The following ZNF729 variants were observed in gnomAD, a reference collection of about 807,000 sequenced individuals.
ZNF729 encodes the protein zinc finger protein 729.
Under a neutral mutation model 12.2 loss-of-function variants are expected in ZNF729, and 15 were observed. The observed-to-expected ratio is 1.23, with a 90% CI of 0.82 to 1.89. The LOEUF (loss-of-function observed/expected upper bound fraction) is 1.89, where lower values mean the gene tolerates loss of function less well. Among genes scored for constraint, ZNF729 ranks in the 40% most tolerant of loss-of-function variants. The pLI is 0.00. For missense variants in ZNF729, 1,540 were observed against 1,456.7 expected, an observed-to-expected ratio of 1.06 and a Z score of -0.93; for synonymous variants, 492 against 476.3, an observed-to-expected ratio of 1.03 and a Z score of -0.43.
At position 22,315,285 on chromosome 19, in the gene ZNF729, C is replaced by T; in HGVS notation, c.1868C>T (p.Thr623Ile). Residue 623 changes from threonine to isoleucine, a missense_variant, in exon 4 of 4, where the codon ACT becomes ATT. By Grantham distance (89) the Thr-to-Ile change is moderately conservative. Coordinates refer to ENST00000601693, the MANE Select transcript of ZNF729 (RefSeq NM_001242680.2). ...CTTGCTAAACATAAGATAATTCATACTGGGAAGAAACCGTACAAATGTGAA... is the reference window on the plus strand; with the variant it reads ...CTTGCTAAACATAAGATAATTCATATTGGGAAGAAACCGTACAAATGTGAA... Reference protein sequence around the residue: ...SILAKHKIIHTGKKPYKCEEC... With the variant: ...SILAKHKIIHIGKKPYKCEEC... 6.2e-7 allele frequency: 1 copy of T among 1,613,092 alleles called. No individual in the cohort carries two copies. The highest frequency in any genetic ancestry group is 1.1e-5 in the South Asian group (1 of 91,048).
At chr19:22,303,666 C>G in intron 1 of ZNF729, 92 bp from the exon 2 acceptor site, 5 of 1,269,790 alleles carry the variant, frequency 3.9e-6, no homozygotes, top group Non-Finnish European at 5.3e-6. Flanking sequence ...AATCTGTTCT[C>G]TTTATTCTCT....
chr19:22,300,669 C>A (rs1389902583), intron 1 of ZNF729, among the ~76,000 whole-genome samples: 4 of 152,158 alleles, frequency 2.6e-5, no homozygotes. Context: ...CAGAATTCTA[C>A]AAACTTCACA....
intron 3 of ZNF729, among the ~76,000 whole-genome samples, chr19:22,311,373 G>A (rs1968448230): frequency 1.3e-5 from 2 of 151,962 alleles, no homozygotes; most frequent in Non-Finnish European, 2.9e-5. Flanking sequence ...TATCCTAGAG[G>A]TTTTAATAAG....
At position 22,315,201 on chromosome 19, in the gene ZNF729, C is replaced by G. The variant is rs759673795; in HGVS notation, c.1784C>G (p.Thr595Ser). 1 of 1,611,622 alleles carries G rather than the reference C, an allele frequency of 6.2e-7. No individual in the cohort carries two copies. Among genetic ancestry groups the G allele is most frequent in the African/African-American group, 1.3e-5 (1 of 74,834 alleles). ...SALRKHKVIH[T>S]REKLYKCEEC... ...CTCAGAAAACATAAGGTAATTCATA[C>G]TAGGGAGAAATTGTACAAATGTGAA... The change falls in exon 4 of 4, where the codon ACT becomes AGT. Residue 595 changes from threonine (T) to serine (S), a missense_variant. Coordinates refer to ENST00000601693, the MANE Select transcript of ZNF729 (RefSeq NM_001242680.2).
chr19:22,305,152 C>G (rs1288602201), intron 3 of ZNF729, among the ~76,000 whole-genome samples: 21 of 152,122 alleles, frequency 1.4e-4, no homozygotes, highest in Non-Finnish European at 1.5e-5. Context: ...CACACTTGCT[C>G]TGTCTTTTAC....
chr19:22,291,481 G>A (rs1320509983), intron 1 of ZNF729, among the ~76,000 whole-genome samples: 1 of 152,116 alleles, frequency 6.6e-6, no homozygotes, highest in African/African-American at 2.4e-5. Context: ...TGATCCTAGC[G>A]TTTCTTGCCA....
At chr19:22,305,730 G>T (rs1272509257) in intron 3 of ZNF729, among the ~76,000 whole-genome samples, 1 of 151,952 alleles carries the variant, frequency 6.6e-6, no homozygotes, top group Admixed American at 6.6e-5. Flanking sequence ...TGCTAAAATT[G>T]GTCTCTTGTA....
At chr19:22,307,800 G>GTTTTTTTTTTT in intron 3 of ZNF729, among the ~76,000 whole-genome samples, 1 of 53,336 alleles carries the variant, frequency 1.9e-5, no homozygotes, top group Non-Finnish European at 3.7e-5. Flanking sequence ...AAAGCTCTGT[G>GTTTTTTTTTTT]TTTTTTTTTT....
chr19:22,294,185 A>G (rs1396307473), intron 1 of ZNF729, among the ~76,000 whole-genome samples: 1 of 152,252 alleles, frequency 6.6e-6, no homozygotes, highest in Non-Finnish European at 1.5e-5. Context: ...TTTTCTACAC[A>G]GTGCTAGGTG....
At position 22,313,682 on chromosome 19, in the gene ZNF729, C is replaced by A; in HGVS notation, c.265C>A (p.His89Asn). The A allele has an allele frequency of 6.7e-7, 1 of 1,489,132 alleles. No individual in the cohort carries two copies. 92.2% of individuals were successfully genotyped at this position (1,489,132 alleles called of 1,614,324 possible). A position where few individuals can be genotyped will look rare whatever the true frequency, so the allele number is the denominator to read the frequency against. ...TTTATTTCTTCTAGTTATGCGTTCT[C>A]ATTTTACACAAGACCTTTGGCCAGA... ...MVTKPPVMRSHFTQDLWPDQS... is the reference protein window; with the variant it reads ...MVTKPPVMRSNFTQDLWPDQS... The change falls in exon 4 of 4, where the codon CAT becomes AAT. Residue 89 changes from histidine (H) to asparagine (N), a missense_variant. By Grantham distance (68) the His-to-Asn change is moderately conservative (BLOSUM62 1). Coordinates refer to ENST00000601693, the MANE Select transcript of ZNF729 (RefSeq NM_001242680.2).
intron 1 of ZNF729, among the ~76,000 whole-genome samples, chr19:22,297,368 A>T (rs1968242071): frequency 1.3e-5 from 2 of 151,752 alleles, no homozygotes; most frequent in African/African-American, 4.8e-5. Context: ...GTGTCTGCTG[A>T]AATTCAGATG....
At chr19:22,311,116 T>C (rs1968445159) in intron 3 of ZNF729, among the ~76,000 whole-genome samples, 2 of 152,172 alleles carry the variant, frequency 1.3e-5, no homozygotes, top group South Asian at 2.1e-4. Context: ...CTGTCAATTG[T>C]ATTTATCTTT....
chr19:22,315,402 G>A lies in ZNF729; in HGVS notation c.1985G>A (p.Gly662Asp), dbSNP rs749384929. The change falls in exon 4 of 4, where the codon GGC becomes GAC. Residue 662 changes from glycine (G) to aspartate (D), a missense_variant. By Grantham distance (94) the Gly-to-Asp change is moderately conservative. Transcript: ENST00000601693. ...AAACCTTACAAATGTGAAGAATGTG[G>A]CAAAGCTTTTAGCCATTTCTCAGCC... ...GEKPYKCEEC[G>D]KAFSHFSALR... 4.3e-6 allele frequency: 7 copies of A among 1,613,216 alleles called. No homozygotes were observed. The highest frequency in any genetic ancestry group is 5.9e-6 in the Non-Finnish European group (7 of 1,179,786).
At chr19:22,286,929 C>T (rs1424615142) in intron 1 of ZNF729, among the ~76,000 whole-genome samples, 3 of 152,108 alleles carry the variant, frequency 2.0e-5, no homozygotes, top group Non-Finnish European at 4.4e-5. Context: ...GGTTTCCAGT[C>T]CCTCTTTTCT....
At chr19:22,291,587 TC>T (rs886401201) in intron 1 of ZNF729, among the ~76,000 whole-genome samples, 28 of 152,314 alleles carry the variant, frequency 1.8e-4, no homozygotes, top group African/African-American at 6.3e-4. Flanking sequence ...AACCTGGGGT[TC>T]TGGACAACCT....
chr19:22,290,353 T>G (rs1968136694), intron 1 of ZNF729, among the ~76,000 whole-genome samples: 1 of 152,226 alleles, frequency 6.6e-6, no homozygotes, highest in African/African-American at 2.4e-5. Flanking sequence ...TGTGGTAGTT[T>G]CTAGACTTTG....
chr19:22,309,227 A>G (rs1197667911), intron 3 of ZNF729, among the ~76,000 whole-genome samples: 2 of 152,064 alleles, frequency 1.3e-5, no homozygotes, highest in Non-Finnish European at 2.9e-5. Flanking sequence ...TAGGTGGATC[A>G]CGAGGTCAGG....
intron 3 of ZNF729, among the ~76,000 whole-genome samples, chr19:22,305,530 TATA>T (rs1968367699): frequency 6.6e-6 from 1 of 152,030 alleles, no homozygotes; most frequent in Admixed American, 6.6e-5. Context: ...TACATATAAA[TATA>T]ATAATTATAG....
chr19:22,316,582 A>G lies in ZNF729; in HGVS notation c.3165A>G (p.Lys1055=), dbSNP rs761659551. Residue 1055 remains lysine, a synonymous_variant, in exon 4 of 4, where the codon AAA becomes AAG. Transcript: ENST00000601693. ...CCTACAAATGTGAAGAATGTGGTAA[A>G]GCTTTTAAGTGGTCCTCAAAACTTA... is the stretch of plus-strand genomic sequence containing the variant. ...EKPYKCEECG[K]AFKWSSKLTE... is the part of the protein sequence containing the mutation. The G allele has an allele frequency of 1.2e-5, 19 of 1,613,392 alleles. No individual in the cohort carries two copies. The highest frequency in any genetic ancestry group is 5.5e-5 in the South Asian group (5 of 91,074).
Sources: gnomAD v4.1 joint callset for allele counts (sites outside exome capture counted in the v4.1 genomes callset) on GRCh38, gnomAD v4.1.1 for gene constraint, MANE v1.5 for transcripts, NCBI Gene and HGNC (gene_info 2026-07-23, HGNC 2026-07-21) for gene names.